MME: variants seen among roughly 807,000 people sequenced by gnomAD.
MME encodes neprilysin.
MME carries 98 observed loss-of-function variants against 113.2 expected under a neutral mutation model. That is an observed-to-expected ratio of 0.87 (90% CI 0.74 to 1.02). The LOEUF is 1.02. MME is among the 50% of genes least tolerant of loss of function. The pLI is 0.00. For synonymous variants in MME, 292 were observed against 300.6 expected (o/e 0.97, Z 0.30); for missense variants, 836 against 896.0 (o/e 0.93, Z 0.86).
At chr3:155,125,078 G>A (rs1719506943) in intron 8 of MME, among the ~76,000 whole-genome samples, 1 of 149,312 alleles carries the variant, frequency 6.7e-6, no homozygotes, top group African/African-American at 2.5e-5. Flanking sequence ...GAGATTCCGT[G>A]GGCGTAGGAC....
chr3:155,154,569 T>G (rs2108338663), intron 16 of MME, among the ~76,000 whole-genome samples: 1 of 152,296 alleles, frequency 6.6e-6, no homozygotes, highest in Middle Eastern at 3.4e-3. Flanking sequence ...GTTTTCCTCC[T>G]TGGCTTCTCC....
intron 8 of MME, among the ~76,000 whole-genome samples, chr3:155,129,138 G>A (rs567747179): frequency 6.6e-6 from 1 of 152,260 alleles, no homozygotes; most frequent in South Asian, 2.1e-4. Flanking sequence ...GTCAAAGAAA[G>A]ATGGTCTTAG....
chr3:155,171,977 G>A, intron 20 of MME, 140 bp from the exon 21 acceptor site: 1 of 627,676 alleles, frequency 1.6e-6, no homozygotes, highest in South Asian at 2.0e-5. Context: ...TAAAATAGTT[G>A]TAGGTTACCA....
At chr3:155,031,512 T>A (rs1712970811) in intron 1 of MME, among the ~76,000 whole-genome samples, 1 of 152,192 alleles carries the variant, frequency 6.6e-6, no homozygotes, top group Non-Finnish European at 1.5e-5. Flanking sequence ...AATGTCTTTT[T>A]AAATTTAGAA....
rs202154297 is a variant in MME at position 155,147,244 on chromosome 3, A to G, written c.1497+20A>G. The G allele has an allele frequency of 1.2e-4, 174 of 1,397,770 alleles. No homozygotes were observed. The highest frequency in any genetic ancestry group is 2.3e-4 in the Admixed American group (14 of 59,632). The allele number at this position is 1,397,770 out of a possible 1,614,324, so 86.6% of individuals were successfully genotyped here. A position where few individuals can be genotyped will look rare whatever the true frequency, so the allele number is the denominator to read the frequency against. On this transcript the variant is annotated intron_variant, in intron 15 of 22. Transcript: ENST00000360490. The stretch of plus-strand genomic sequence containing the variant: ...CTCGAGGTAAGTCTCTATAAAATAG[A>G]CTCTGGACTACTGATACTTAGGGCT...
intron 3 of MME, among the ~76,000 whole-genome samples, chr3:155,113,341 G>T (rs549378239): frequency 6.6e-6 from 1 of 152,058 alleles, no homozygotes; most frequent in Non-Finnish European, 1.5e-5. Flanking sequence ...GTGCAGTGGC[G>T]CTGTCTTGGT....
intron 14 of MME, among the ~76,000 whole-genome samples, chr3:155,146,294 G>A (rs1416031263): frequency 6.6e-6 from 1 of 152,134 alleles, no homozygotes; most frequent in African/African-American, 2.4e-5. Context: ...GGGAGGCCGA[G>A]GCAGGCAGAT....
chr3:155,143,450 A>G lies in MME; in HGVS notation c.1196A>G (p.Tyr399Cys), dbSNP rs773852760. 2 of 1,612,086 alleles carry G rather than the reference A, an allele frequency of 1.2e-6. No homozygotes were observed. The highest frequency in any genetic ancestry group is 2.2e-5 in the South Asian group (2 of 91,048). ...ESRNAFRKAL[Y>C]GTTSETATWR... is the part of the protein sequence containing the mutation. ...CCTTTTTCTTTTCCGTAGGCCCTTTATGGTACAACCTCAGAAACAGCAACT... is the reference window on the plus strand; with the variant it reads ...CCTTTTTCTTTTCCGTAGGCCCTTTGTGGTACAACCTCAGAAACAGCAACT... The change falls in exon 13 of 23, where the codon TAT becomes TGT. Residue 399 changes from tyrosine (Y) to cysteine (C), a missense_variant. Transcript: ENST00000360490.
At chr3:155,111,876 T>C (rs1245698849) in intron 3 of MME, among the ~76,000 whole-genome samples, 1 of 152,194 alleles carries the variant, frequency 6.6e-6, no homozygotes, top group Non-Finnish European at 1.5e-5. Flanking sequence ...AGTTATATAT[T>C]GCTAAGTGTG....
intron 22 of MME, among the ~76,000 whole-genome samples, chr3:155,177,469 T>C (rs1712656390): frequency 6.6e-6 from 1 of 152,192 alleles, no homozygotes; most frequent in Non-Finnish European, 1.5e-5. Context: ...ATTCCTAATT[T>C]CTAAGCTCTT....
At chr3:155,043,841 T>C (rs1340312898) in intron 1 of MME, among the ~76,000 whole-genome samples, 1 of 152,152 alleles carries the variant, frequency 6.6e-6, no homozygotes, top group Non-Finnish European at 1.5e-5. Context: ...AAAATTGTCC[T>C]TGCTATACTT....
intron 9 of MME, 88 bp from the exon 10 acceptor site, chr3:155,140,103 C>A (rs1720944375): frequency 3.6e-6 from 3 of 843,032 alleles, no homozygotes; most frequent in East Asian, 2.8e-5. Context: ...TTATGTTGTA[C>A]CTATCCTATA....
rs1051821129 is a variant in MME at position 155,113,652 on chromosome 3, G to A, written c.197-1342G>A. On this transcript the variant is annotated intron_variant, in intron 3 of 22. Transcript: ENST00000360490. ...TCGGGAAGTTTGGTTTGTGGAAGAT[G>A]TGTAGAATATATCAAGATGAAGAAC... Among the ~76,000 whole-genome samples the A allele has an allele frequency of 2.0e-5, 3 of 152,174 alleles. No homozygotes were observed. The East Asian group carries it at 5.8e-4, about 29-fold the overall frequency.
At chr3:155,070,580 T>G (rs1009627190) in intron 1 of MME, among the ~76,000 whole-genome samples, 1 of 152,164 alleles carries the variant, frequency 6.6e-6, no homozygotes, top group Non-Finnish European at 1.5e-5. Flanking sequence ...AAAGGATTGG[T>G]ACGGTATAAA....
At chr3:155,048,533 T>A (rs1165080333) in intron 1 of MME, among the ~76,000 whole-genome samples, 2 of 152,014 alleles carry the variant, frequency 1.3e-5, no homozygotes, top group Non-Finnish European at 2.9e-5. Flanking sequence ...AAATCTTGAA[T>A]TTTTTTTATT....
rs543473846 is a variant in MME, at chr3:155,176,756, G to A, written c.2154-3604G>A. On this transcript the variant is annotated intron_variant, in intron 22 of 22. Coordinates refer to ENST00000360490, the MANE Select transcript of MME (RefSeq NM_007289.4). ...CAGGAGGATTGCTTGAACCCAGGAG[G>A]TCAAGGCTGCAGTGAGCTGTGATCG... 2.0e-5 allele frequency among the ~76,000 whole-genome samples: 3 copies of A among 152,248 alleles called. No individual in the cohort carries two copies. The South Asian group carries it at 6.2e-4, about 32-fold the overall frequency.
intron 3 of MME, among the ~76,000 whole-genome samples, chr3:155,107,313 A>G (rs910549937): frequency 5.4e-5 from 8 of 149,434 alleles, no homozygotes; most frequent in African/African-American, 2.0e-4. Flanking sequence ...AGATCGTGCC[A>G]TTGCACTCCA....
intron 15 of MME, among the ~76,000 whole-genome samples, chr3:155,148,202 A>C (rs1437995524): frequency 6.6e-6 from 1 of 152,184 alleles, no homozygotes; most frequent in African/African-American, 2.4e-5. Flanking sequence ...TGTAAAATTT[A>C]AAGTACTTAG....
At chr3:155,024,931 C>T (rs888092513) in intron 1 of MME, among the ~76,000 whole-genome samples, 1 of 152,124 alleles carries the variant, frequency 6.6e-6, no homozygotes, top group African/African-American at 2.4e-5. Flanking sequence ...GAAGGACCAT[C>T]AAACAACTCA....
Sources: allele counts gnomAD v4.1 joint callset (sites outside exome capture counted in the v4.1 genomes callset), GRCh38; gene constraint gnomAD v4.1.1; transcripts MANE v1.5; gene names NCBI Gene and HGNC (gene_info 2026-07-23, HGNC 2026-07-21).